The following NPC1 variants were observed in gnomAD, a reference collection of about 807,000 sequenced individuals.
NPC1 encodes NPC intracellular cholesterol transporter 1.
Under a neutral mutation model 140.4 loss-of-function variants are expected in NPC1, and 85 were observed. The ratio of observed to expected loss-of-function variants is 0.61; its 90% CI spans 0.51 to 0.72. The LOEUF (loss-of-function observed/expected upper bound fraction) is 0.72. Among genes scored for constraint, NPC1 ranks in the 30% least tolerant of loss-of-function variants. The pLI is 0.00. For missense variants in NPC1, 1,504 were observed against 1,623.8 expected (o/e 0.93, Z 1.27); for synonymous variants, 656 against 624.8 (o/e 1.05, Z -0.74).
At chr18:23,579,175 A>G (rs1473006612) in intron 1 of NPC1, among the ~76,000 whole-genome samples, 1 of 152,180 alleles carries the variant, frequency 6.6e-6, no homozygotes, top group Non-Finnish European at 1.5e-5. Flanking sequence ...ATGCCCTAGG[A>G]TCAAGCAAAA....
intron 1 of NPC1, among the ~76,000 whole-genome samples, chr18:23,574,796 A>G (rs1296535525): frequency 6.6e-6 from 1 of 152,216 alleles, no homozygotes; most frequent in Non-Finnish European, 1.5e-5. Flanking sequence ...ACAAGCCTTC[A>G]ACAAAGCCAC....
intron 6 of NPC1, among the ~76,000 whole-genome samples, chr18:23,559,802 T>A (rs2059011414): frequency 6.6e-6 from 1 of 152,024 alleles, no homozygotes; most frequent in Admixed American, 6.5e-5. Context: ...ATACAAAAAT[T>A]AGTCAGGCAT....
intron 8 of NPC1, among the ~76,000 whole-genome samples, chr18:23,555,652 G>A (rs568154107): frequency 3.3e-5 from 5 of 152,304 alleles, no homozygotes; most frequent in African/African-American, 1.2e-4. Flanking sequence ...GTTCTCCAAG[G>A]CAAGTGTGAC....
intron 3 of NPC1, chr18:23,516,171 TG>T: frequency 7.8e-7 from 1 of 1,283,438 alleles, no homozygotes; most frequent in Non-Finnish European, 1.1e-6. Flanking sequence ...CATTCTATGC[TG>T]GGCAGACAGG....
chr18:23,572,889 C>G (rs1413210531), intron 2 of NPC1, among the ~76,000 whole-genome samples: 1 of 152,202 alleles, frequency 6.6e-6, no homozygotes, highest in Non-Finnish European at 1.5e-5. Context: ...ACTCTGTTAT[C>G]ATGTCGACTT....
At chr18:23,520,487 T>C (rs566103227), downstream of NPC1, among the ~76,000 whole-genome samples, 1 of 152,298 alleles carries the variant, frequency 6.6e-6, no homozygotes, top group South Asian at 2.1e-4. Flanking sequence ...TTTGAGACAG[T>C]CTCACTGAGT....
At chr18:23,507,725 A>G (rs1345804959) in intron 3 of NPC1, among the ~76,000 whole-genome samples, 1 of 152,192 alleles carries the variant, frequency 6.6e-6, no homozygotes, top group Non-Finnish European at 1.5e-5. Context: ...TGCTTGAGGA[A>G]TGAATTTTTG....
Position 23,556,350 on chromosome 18 carries a change from G to C in NPC1, c.1219C>G (p.Gln407Glu). ...QHFGPFFRTEQLIIRAPLTDK... is the reference protein window; with the variant it reads ...QHFGPFFRTEELIIRAPLTDK... ...GTGAGAGGGGCCCGGATGATGAGCT[G>C]CTCCGTCCGGAAGAAAGGCCCAAAG... Residue 407 changes from glutamine (Q) to glutamate (E), a missense_variant, in exon 8 of 25, where the codon CAG (glutamine) becomes GAG (glutamate). Coordinates refer to ENST00000269228, the MANE Select transcript of NPC1 (RefSeq NM_000271.5). The C allele has an allele frequency of 6.2e-7, 1 of 1,614,128 alleles. No homozygotes were observed.
At chr18:23,527,823 G>A (rs1291511447), downstream of NPC1, 1 of 1,613,992 alleles carries the variant, frequency 6.2e-7, no homozygotes, top group Non-Finnish European at 8.5e-7. Flanking sequence ...GAGCATCGCT[G>A]CCCGTGATAG....
At chr18:23,560,736 C>T (rs1598985716) in intron 5 of NPC1, among the ~76,000 whole-genome samples, 2 of 152,170 alleles carry the variant, frequency 1.3e-5, no homozygotes, top group East Asian at 3.8e-4. Context: ...CCAAGGCAAC[C>T]CTTCAATCAT....
intron 2 of NPC1, among the ~76,000 whole-genome samples, chr18:23,572,669 C>CCAAA (rs58002928): frequency 0.75 from 113,369 of 151,510 alleles, 43,539 homozygotes; most frequent in East Asian, 0.93. Context: ...CCCCATCTCC[C>CCAAA]CAAATTTTTA....
At chr18:23,506,574 G>A (rs1178308170) in exon 4 of NPC1, 2 of 204,320 alleles carry the variant, frequency 9.8e-6, no homozygotes, top group South Asian at 7.3e-5. Context: ...CACTGTAGTG[G>A]AGCCATCTGG....
Position 23,510,215 on chromosome 18 carries a change from T to C in NPC1, c.432-3573A>G, listed in dbSNP as rs571983614. ...GGTGTGCGCCTGTAGTCCCAGCTAC[T>C]TGGGAGGCTGAAGTGGGAGGATTGC... On this transcript the variant is annotated intron_variant, in intron 3 of 3. Coordinates refer to the NPC1 transcript ENST00000591107. Among the ~76,000 whole-genome samples the C allele has an allele frequency of 2.4e-3, 358 of 151,616 alleles. 3 individuals are homozygous for C. Among genetic ancestry groups the C allele is most frequent in the African/African-American group, 8.3e-3 (345 of 41,374 alleles).
chr18:23,519,282 C>A, downstream of NPC1: 1 of 919,112 alleles, frequency 1.1e-6, no homozygotes, highest in Non-Finnish European at 1.7e-6. Context: ...CTTTGGGAGG[C>A]CAAGGCGGAC....
Position 23,535,511 on chromosome 18 carries a change from C to G in NPC1, c.3435G>C (p.Trp1145Cys). ...AGGATACAGCGTTCAGACTGATGCC[C>G]CAGAGCCACATAACTCCAAACATGT... ...LVNMFGVMWL[W>C]GISLNAVSLV... is the part of the protein sequence containing the mutation. The change falls in exon 22 of 25, where the codon TGG becomes TGC. Residue 1145 changes from tryptophan to cysteine, a missense_variant. Coordinates refer to ENST00000269228, the MANE Select transcript of NPC1 (RefSeq NM_000271.5). 2.5e-6 allele frequency: 4 copies of G among 1,613,872 alleles called. No individual in the cohort carries two copies. The highest frequency in any genetic ancestry group is 3.4e-6 in the Non-Finnish European group (4 of 1,179,902).
At chr18:23,515,971 A>G in intron 3 of NPC1, 1 of 1,614,112 alleles carries the variant, frequency 6.2e-7, no homozygotes, top group Non-Finnish European at 8.5e-7. Context: ...GTCCTGGAGA[A>G]TGTCCTGCAG....
chr18:23,510,967 A>G (rs767095505), intron 3 of NPC1, among the ~76,000 whole-genome samples: 3 of 152,224 alleles, frequency 2.0e-5, no homozygotes, highest in Non-Finnish European at 4.4e-5. Flanking sequence ...TAGCAGCCCC[A>G]TTACTGGGTG....
chr18:23,585,081 A>G (rs2145598722), intron 1 of NPC1, among the ~76,000 whole-genome samples: 1 of 152,174 alleles, frequency 6.6e-6, no homozygotes, highest in South Asian at 2.1e-4. Context: ...AATTTTAAAA[A>G]ACTCTAGGGA....
chr18:23,512,589 T>A (rs1175668871), intron 3 of NPC1, among the ~76,000 whole-genome samples: 1 of 149,434 alleles, frequency 6.7e-6, no homozygotes, highest in Non-Finnish European at 1.5e-5. Flanking sequence ...CCCAACTTAA[T>A]TTTTTTTTCC....
Sources: allele counts gnomAD v4.1 joint callset (sites outside exome capture counted in the v4.1 genomes callset), GRCh38; gene constraint gnomAD v4.1.1; transcripts MANE v1.5; gene names NCBI Gene and HGNC (gene_info 2026-07-23, HGNC 2026-07-21).